Variants in PDE10A observed in about 807,000 individuals in gnomAD.
PDE10A encodes the protein phosphodiesterase 10A, also known as cAMP and cAMP-inhibited cGMP 3',5'-cyclic phosphodiesterase 10A.
PDE10A carries 39 observed loss-of-function variants against 97.7 expected under a neutral mutation model. The observed-to-expected ratio is 0.40, with a 90% CI of 0.31 to 0.52. PDE10A has a LOEUF of 0.52. Among genes scored for constraint, PDE10A ranks in the 20% least tolerant of loss-of-function variants. The pLI is 0.56. For synonymous variants in PDE10A, 371 were observed against 376.8 expected, an observed-to-expected ratio of 0.98 and a Z score of 0.18; for missense variants, 731 against 1,047.8, an observed-to-expected ratio of 0.70 and a Z score of 4.17.
At chr6:165,374,493 T>C (rs1784484899) in intron 18 of PDE10A, among the ~76,000 whole-genome samples, 1 of 151,978 alleles carries the variant, frequency 6.6e-6, no homozygotes, top group Non-Finnish European at 1.5e-5. Flanking sequence ...CAACAAAGTA[T>C]AAGCAAAATT....
chr6:165,462,229 T>C (rs746281123), intron 3 of PDE10A, among the ~76,000 whole-genome samples: 3 of 152,246 alleles, frequency 2.0e-5, no homozygotes, highest in African/African-American at 7.2e-5. Flanking sequence ...AATGAATCTT[T>C]TTCTAAAACA....
chr6:165,928,308 T>C (rs1382648186), intron 1 of PDE10A, among the ~76,000 whole-genome samples: 2 of 152,128 alleles, frequency 1.3e-5, no homozygotes, highest in African/African-American at 4.8e-5. Context: ...ATTTGCACTG[T>C]GAGCAGATTG....
At chr6:165,848,090 ATT>A (rs34090776) in intron 1 of PDE10A, among the ~76,000 whole-genome samples, 25 of 151,002 alleles carry the variant, frequency 1.7e-4, no homozygotes, top group Admixed American at 1.1e-3. Flanking sequence ...TATGCTAGCT[ATT>A]TTTTTTTTTC....
chr6:165,952,045 A>G (rs1015739075), intron 1 of PDE10A, among the ~76,000 whole-genome samples: 1 of 152,242 alleles, frequency 6.6e-6, no homozygotes, highest in African/African-American at 2.4e-5. Context: ...CTCCTGAAAT[A>G]GGTGCTGTTA....
intron 3 of PDE10A, among the ~76,000 whole-genome samples, chr6:165,468,028 G>T (rs757192717): frequency 1.3e-4 from 20 of 152,020 alleles, no homozygotes; most frequent in Admixed American, 2.6e-4. Context: ...ACAACTTGCC[G>T]ACAGCTCAGA....
Position 165,485,238 on chromosome 6 carries a change from G to A in PDE10A, c.995-2895C>T, listed in dbSNP as rs546462498. Reference sequence around the variant, plus strand: ...TGTAATCCTAGCACTTTGAGAGGCCGAGGCGGATGGATCACGAGGTCAGAT... The same window carrying A: ...TGTAATCCTAGCACTTTGAGAGGCCAAGGCGGATGGATCACGAGGTCAGAT... On this transcript the variant is annotated intron_variant, in intron 2 of 21. Coordinates refer to ENST00000539869, the MANE Select transcript of PDE10A (RefSeq NM_001385079.1). Among the ~76,000 whole-genome samples the A allele has an allele frequency of 2.1e-4, 32 of 152,164 alleles. No homozygotes were observed. In the Middle Eastern group the frequency reaches 0.01, roughly 49 times the overall value.
At chr6:165,468,576 A>G (rs1778800383) in intron 3 of PDE10A, among the ~76,000 whole-genome samples, 1 of 152,190 alleles carries the variant, frequency 6.6e-6, no homozygotes, top group Admixed American at 6.5e-5. Flanking sequence ...CCTTCTAGGT[A>G]TGATTATATG....
intron 1 of PDE10A, among the ~76,000 whole-genome samples, chr6:165,644,293 C>A (rs1789286091): frequency 2.0e-5 from 3 of 152,188 alleles, no homozygotes; most frequent in African/African-American, 7.2e-5. Context: ...GATCTCCTGA[C>A]CTCGTGATCT....
At chr6:165,721,602 T>C (rs937383048) in intron 1 of PDE10A, among the ~76,000 whole-genome samples, 1 of 152,208 alleles carries the variant, frequency 6.6e-6, no homozygotes, top group African/African-American at 2.4e-5. Context: ...ATGCTTTTTC[T>C]GGTAAACAGT....
chr6:165,714,222 T>G (rs1211615939), intron 1 of PDE10A, among the ~76,000 whole-genome samples: 1 of 152,214 alleles, frequency 6.6e-6, no homozygotes, highest in Non-Finnish European at 1.5e-5. Flanking sequence ...AAGCTCTGCG[T>G]GGGCAGTCAG....
intron 2 of PDE10A, among the ~76,000 whole-genome samples, chr6:165,520,486 G>C (rs73039509): frequency 6.6e-6 from 1 of 152,098 alleles, no homozygotes. Context: ...TATGATGAAG[G>C]AGAGGGATGG....
chr6:165,942,474 C>T (rs766284192), intron 1 of PDE10A, among the ~76,000 whole-genome samples: 2 of 152,134 alleles, frequency 1.3e-5, no homozygotes, highest in Non-Finnish European at 2.9e-5. Flanking sequence ...AGGAGGCTGT[C>T]GAGGGAGATG....
At chr6:165,771,038 G>A (rs1270868197) in intron 1 of PDE10A, among the ~76,000 whole-genome samples, 1 of 152,168 alleles carries the variant, frequency 6.6e-6, no homozygotes, top group African/African-American at 2.4e-5. Context: ...TACTGCCATT[G>A]CAGGACTGGA....
intron 1 of PDE10A, among the ~76,000 whole-genome samples, chr6:165,907,166 G>A (rs1261848468): frequency 6.6e-6 from 1 of 152,186 alleles, no homozygotes; most frequent in Admixed American, 6.5e-5. Context: ...ATGGTGATGG[G>A]GCCAAAACCC....
intron 10 of PDE10A, among the ~76,000 whole-genome samples, chr6:165,420,197 G>T (rs1344084114): frequency 6.6e-6 from 1 of 152,134 alleles, no homozygotes; most frequent in Admixed American, 6.5e-5. Flanking sequence ...CCTGCTCCCT[G>T]CTTGTTAATG....
At chr6:165,606,864 A>T (rs188818408) in intron 1 of PDE10A, among the ~76,000 whole-genome samples, 1 of 152,182 alleles carries the variant, frequency 6.6e-6, no homozygotes, top group East Asian at 1.9e-4. Flanking sequence ...GTTGTTGAGG[A>T]CTTTTCTGCT....
At chr6:165,839,863 C>T in intron 1 of PDE10A, among the ~76,000 whole-genome samples, 2 of 55,458 alleles carry the variant, frequency 3.6e-5, no homozygotes, top group African/African-American at 6.9e-5. Flanking sequence ...ATCCCTGTCT[C>T]CATTCCCATC....
At chr6:165,538,370 T>C (rs1308468623) in intron 2 of PDE10A, among the ~76,000 whole-genome samples, 2 of 152,160 alleles carry the variant, frequency 1.3e-5, no homozygotes, top group Non-Finnish European at 1.5e-5. Context: ...CTATTGAATA[T>C]TTTAGACACG....
chr6:165,975,951 T>G (rs1434146002), intron 1 of PDE10A, among the ~76,000 whole-genome samples: 1 of 152,252 alleles, frequency 6.6e-6, no homozygotes, highest in African/African-American at 2.4e-5. Context: ...ACTTCCATGT[T>G]GTAATTCTTT....
Sources: gnomAD v4.1 joint callset for allele counts (sites outside exome capture counted in the v4.1 genomes callset) on GRCh38, gnomAD v4.1.1 for gene constraint, MANE v1.5 for transcripts, NCBI Gene and HGNC (gene_info 2026-07-23, HGNC 2026-07-21) for gene names.